The following JHY variants were observed in gnomAD, a reference collection of about 807,000 sequenced individuals.
JHY encodes the protein jhy protein homolog.
A neutral mutation model predicts 78.0 loss-of-function variants in JHY; 69 were observed. The observed-to-expected ratio is 0.88, with a 90% confidence interval of 0.73 to 1.08. JHY has a LOEUF of 1.08. Among genes scored for constraint, JHY ranks in the 50% least tolerant of loss-of-function variants. JHY has a pLI of 0.00. For missense variants in JHY, 944 were observed against 927.8 expected, an observed-to-expected ratio of 1.02 and a Z score of -0.23; for synonymous variants, 368 against 342.6, an observed-to-expected ratio of 1.07 and a Z score of -0.82.
chr11:122,940,370 C>T (rs1005049539), intron 5 of JHY, among the ~76,000 whole-genome samples: 26 of 152,114 alleles, frequency 1.7e-4, no homozygotes, highest in African/African-American at 6.0e-4. Flanking sequence ...AACAAATTAT[C>T]CAATGCTCAC....
chr11:122,903,786 T>G (rs1234914875), intron 2 of JHY, 139 bp from the exon 3 acceptor site: 1 of 1,209,696 alleles, frequency 8.3e-7, no homozygotes, highest in Non-Finnish European at 1.1e-6. Flanking sequence ...GCTGCTGGGA[T>G]TTGTGTTTAG....
At chr11:122,928,037 T>C (rs1443165235) in intron 4 of JHY, among the ~76,000 whole-genome samples, 1 of 152,212 alleles carries the variant, frequency 6.6e-6, no homozygotes, top group Non-Finnish European at 1.5e-5. Flanking sequence ...GTGTTTCTTT[T>C]GTACCCACTA....
chr11:122,899,967 C>G (rs987858545), intron 2 of JHY, among the ~76,000 whole-genome samples: 1 of 152,182 alleles, frequency 6.6e-6, no homozygotes, highest in African/African-American at 2.4e-5. Flanking sequence ...AAGTGAAAGG[C>G]AGGGACAGGA....
chr11:122,903,951 C>G lies in JHY; in HGVS notation c.371C>G (p.Ser124Ter). ...CAACAACCAATAGAAGACAAATATT[C>G]AGACCTCCGCTATGACCCGAACTGG... ...NRQQPIEDKY[S>*]DLRYDPNWKS... The change falls in exon 3 of 9, where the codon TCA (serine) becomes TGA (stop). Residue 124 changes from serine (S) to a stop codon, truncating the protein, a stop_gained. Coordinates refer to ENST00000227349, the MANE Select transcript of JHY (RefSeq NM_024806.4). LOFTEE classifies it high-confidence loss of function. 1 of 1,600,794 alleles carries G rather than the reference C, an allele frequency of 6.2e-7. No individual in the cohort carries two copies. Among genetic ancestry groups the G allele is most frequent in the African/African-American group, 1.3e-5 (1 of 74,528 alleles).
chr11:122,935,945 A>G lies in JHY; in HGVS notation c.1634+870A>G, dbSNP rs561901006. On this transcript the variant is annotated intron_variant, in intron 5 of 8. Transcript: ENST00000227349. The surrounding 1 kb of genome is among the most constrained non-coding windows in gnomAD (Gnocchi z 4.5). Reference sequence around the variant, plus strand: ...ATGACACTGGTAGAAGAAAAAGTACATCTAAGGAGTATGAGTTCTACTGTG... The same window carrying G: ...ATGACACTGGTAGAAGAAAAAGTACGTCTAAGGAGTATGAGTTCTACTGTG... Among the ~76,000 whole-genome samples the G allele has an allele frequency of 4.4e-4, 67 of 152,348 alleles. No individual in the cohort carries two copies. Among genetic ancestry groups the G allele is most frequent in the African/African-American group, 1.6e-3 (65 of 41,594 alleles).
At chr11:122,939,864 A>G (rs1038466997) in intron 5 of JHY, among the ~76,000 whole-genome samples, 2 of 146,782 alleles carry the variant, frequency 1.4e-5, no homozygotes, top group Non-Finnish European at 1.5e-5. Context: ...CAATCACACC[A>G]TTATCACAGC....
At chr11:122,915,575 C>T (rs1863217319) in intron 3 of JHY, among the ~76,000 whole-genome samples, 4 of 152,092 alleles carry the variant, frequency 2.6e-5, no homozygotes, top group South Asian at 2.1e-4. Context: ...TGCAGTGGCA[C>T]CATCTCAGTT....
chr11:122,887,609 C>T (rs561619402), intron 2 of JHY, among the ~76,000 whole-genome samples: 1 of 151,812 alleles, frequency 6.6e-6, no homozygotes, highest in East Asian at 1.9e-4. Flanking sequence ...GCGTGAGCCA[C>T]TGTGCCCGGC....
At chr11:122,921,469 C>T (rs1187792918) in intron 3 of JHY, among the ~76,000 whole-genome samples, 1 of 152,158 alleles carries the variant, frequency 6.6e-6, no homozygotes, top group Non-Finnish European at 1.5e-5. Context: ...AGGATGATTT[C>T]CTTGCCTGCT....
At chr11:122,953,779 A>G (rs962574513) in intron 6 of JHY, among the ~76,000 whole-genome samples, 7 of 152,168 alleles carry the variant, frequency 4.6e-5, no homozygotes, top group Non-Finnish European at 1.0e-4. Flanking sequence ...TTCAATGAAC[A>G]GTGTGTCTTC....
At chr11:122,905,395 A>T in intron 3 of JHY, 2 of 1,471,204 alleles carry the variant, frequency 1.4e-6, no homozygotes, top group Non-Finnish European at 1.8e-6. Context: ...ATTTTCAAAT[A>T]CAAAGGAGAG....
chr11:122,916,821 T>A (rs1240607334), intron 3 of JHY, among the ~76,000 whole-genome samples: 1 of 151,994 alleles, frequency 6.6e-6, no homozygotes, highest in African/African-American at 2.4e-5. Context: ...GTATTTTTAG[T>A]AGAGATAGGG....
In JHY at chr11:122,898,471, T is replaced by A. The variant is rs1175105827; in HGVS notation, c.345-5454T>A. On this transcript the variant is annotated intron_variant, in intron 2 of 8. Transcript: ENST00000227349. This position sits in a 1 kb window ranked among gnomAD's most constrained non-coding sequence, Gnocchi z 4.4. ...ATGGGGGTAATAATAGTACTTCCCT[T>A]AACATTGTTCCAAGGAAAAAAAACT... Among the ~76,000 whole-genome samples, 3 of 152,128 alleles carry A rather than the reference T, an allele frequency of 2.0e-5. No homozygotes were observed. The highest frequency in any genetic ancestry group is 7.2e-5 in the African/African-American group (3 of 41,430).
intron 1 of JHY, among the ~76,000 whole-genome samples, chr11:122,884,864 C>T (rs1224911962): frequency 1.3e-5 from 2 of 152,026 alleles, no homozygotes; most frequent in Admixed American, 6.5e-5. Context: ...CAGTGGCACT[C>T]CAGCTCACTG....
chr11:122,886,025 A>G lies in JHY; in HGVS notation c.176A>G (p.Glu59Gly). ...ACGCAAGAGATTATGTGCCATTCTG[A>G]GTTTGATGATCGAATCCGGGGCAAC... ...SLTQEIMCHS[E>G]FDDRIRGNGM... is the part of the protein sequence containing the mutation. Residue 59 changes from glutamate to glycine, a missense_variant, in exon 2 of 9, where the codon GAG (glutamate) becomes GGG (glycine). Physicochemically the swap from Glu to Gly is moderately conservative, Grantham distance 98. Transcript: ENST00000227349. The G allele has an allele frequency of 6.2e-7, 1 of 1,614,100 alleles. No individual in the cohort carries two copies. Among genetic ancestry groups the G allele is most frequent in the Non-Finnish European group, 8.5e-7 (1 of 1,180,028 alleles).
intron 3 of JHY, among the ~76,000 whole-genome samples, chr11:122,911,110 C>A (rs191150287): frequency 9.9e-4 from 151 of 152,048 alleles, no homozygotes; most frequent in African/African-American, 3.5e-3. Context: ...TGTAATCCAC[C>A]GTTAAAGGAA....
At chr11:122,912,715 G>C (rs961943316) in intron 3 of JHY, among the ~76,000 whole-genome samples, 3 of 151,940 alleles carry the variant, frequency 2.0e-5, no homozygotes, top group Non-Finnish European at 4.4e-5. Context: ...CTCCATCCTG[G>C]ATAACAGAGT....
chr11:122,940,071 G>T (rs1230425073), intron 5 of JHY, among the ~76,000 whole-genome samples: 2 of 151,590 alleles, frequency 1.3e-5, no homozygotes, highest in Admixed American at 6.6e-5. Flanking sequence ...GGGCATGGTG[G>T]CTCACACCTG....
In JHY at chr11:122,887,971, T is replaced by C. The variant is rs1862531260; in HGVS notation, c.344+1778T>C. 2.0e-5 allele frequency among the ~76,000 whole-genome samples: 3 copies of C among 152,240 alleles called. No individual in the cohort carries two copies. The South Asian group carries it at 6.2e-4, about 32-fold the overall frequency. On this transcript the variant is annotated intron_variant, in intron 2 of 8. Transcript: ENST00000227349. ...CTTGGGATACAGTCACTGCAAGGGC[T>C]CGTGTGGGAGCGAGAAGTAGAGCCC...
Sources: allele counts gnomAD v4.1 joint callset (sites outside exome capture counted in the v4.1 genomes callset), GRCh38; gene constraint gnomAD v4.1.1; non-coding constraint Gnocchi (gnomAD v3.1); transcripts MANE v1.5; gene names NCBI Gene and HGNC (gene_info 2026-07-23, HGNC 2026-07-21).